STK33: variants seen among roughly 807,000 people sequenced by gnomAD.
STK33 encodes serine/threonine kinase 33, also known as serine/threonine-protein kinase 33.
STK33 carries 52 observed loss-of-function variants against 58.0 expected under a neutral mutation model. The observed-to-expected ratio is 0.90, with a 90% CI of 0.72 to 1.13. STK33 has a LOEUF of 1.13. Among genes scored for constraint, STK33 ranks in the 50% most tolerant of loss-of-function variants. The pLI, the probability that STK33 is intolerant of heterozygous loss-of-function variation, is 0.00. For missense variants in STK33, 630 were observed against 604.2 expected, an observed-to-expected ratio of 1.04 and a Z score of -0.45; for synonymous variants, 215 against 200.1, an observed-to-expected ratio of 1.07 and a Z score of -0.63.
intron 1 of STK33, among the ~76,000 whole-genome samples, chr11:8,560,530 T>C (rs1323359773): frequency 6.6e-6 from 1 of 152,200 alleles, no homozygotes; most frequent in Non-Finnish European, 1.5e-5. Flanking sequence ...ATTCTTATCA[T>C]GGTGATTTTG....
chr11:8,384,357 C>G, the STK33 span, among the ~76,000 whole-genome samples: 1 of 152,142 alleles, frequency 6.6e-6, no homozygotes, highest in African/African-American at 2.4e-5. Flanking sequence ...AATGCCAGTG[C>G]CTGGGAAGGC....
At chr11:8,373,517 C>T in the STK33 span, among the ~76,000 whole-genome samples, 2 of 152,080 alleles carry the variant, frequency 1.3e-5, no homozygotes, top group Non-Finnish European at 2.9e-5. Flanking sequence ...TCAGGCTGGG[C>T]CCAGGCATGG....
At chr11:8,402,518 T>C (rs1938256011) in intron 15 of STK33, among the ~76,000 whole-genome samples, 1 of 152,124 alleles carries the variant, frequency 6.6e-6, no homozygotes, top group South Asian at 2.1e-4. Context: ...TAATGTTAAA[T>C]GATGAGTTAA....
chr11:8,483,262 G>T (rs1194590013), intron 1 of STK33, among the ~76,000 whole-genome samples: 2 of 152,126 alleles, frequency 1.3e-5, no homozygotes, highest in East Asian at 3.9e-4. Flanking sequence ...GCACATGCAA[G>T]GGCCCAGAAC....
At chr11:8,418,709 AAC>A (rs1347194075) in intron 14 of STK33, among the ~76,000 whole-genome samples, 8 of 152,164 alleles carry the variant, frequency 5.3e-5, no homozygotes, top group Admixed American at 2.0e-4. Flanking sequence ...CACTCCACGC[AAC>A]AGTGTGTAAG....
At chr11:8,364,812 C>T in the STK33 span, among the ~76,000 whole-genome samples, 3 of 152,302 alleles carry the variant, frequency 2.0e-5, no homozygotes, top group South Asian at 2.1e-4. Flanking sequence ...AGGGGTTGTA[C>T]CAGTTTTGCT....
the STK33 span, among the ~76,000 whole-genome samples, chr11:8,363,480 C>T: frequency 2.0e-5 from 3 of 152,256 alleles, no homozygotes; most frequent in South Asian, 2.1e-4. Flanking sequence ...CAGGTAACCA[C>T]TCTTCTGGCT....
chr11:8,474,738 T>G lies in STK33; in HGVS notation c.168A>C (p.Ser56=), dbSNP rs1475049850. The change falls in exon 5 of 16, where the codon TCA becomes TCC. Residue 56 remains serine, a synonymous_variant. Transcript: ENST00000687296. ...TATTTTTTTCTTTTTTTCTCTCCAG[T>G]GAAATTAAAGATTCTGCACTACCAA... ...SSIGSAESLI[S]LERKKEKNIN... is the part of the protein sequence containing the mutation. 6.2e-7 allele frequency: 1 copy of G among 1,612,650 alleles called. No homozygotes were observed. The highest frequency in any genetic ancestry group is 2.2e-5 in the East Asian group (1 of 44,854).
intron 1 of STK33, among the ~76,000 whole-genome samples, chr11:8,564,855 C>T (rs888772684): frequency 6.6e-6 from 1 of 152,212 alleles, no homozygotes; most frequent in Non-Finnish European, 1.5e-5. Flanking sequence ...AGAAAGCTGA[C>T]ATTCTGTCCT....
intron 3 of STK33, among the ~76,000 whole-genome samples, 190 bp from the exon 4 acceptor site, chr11:8,476,941 G>A (rs1242941786): frequency 6.6e-6 from 1 of 151,992 alleles, no homozygotes; most frequent in South Asian, 2.1e-4. Context: ...TTTACCCCAG[G>A]TAATGTATAT....
chr11:8,433,640 A>G (rs1943679565), intron 14 of STK33, among the ~76,000 whole-genome samples: 1 of 152,126 alleles, frequency 6.6e-6, no homozygotes, highest in Admixed American at 6.6e-5. Flanking sequence ...AAATAAATCT[A>G]TTTCTCCTAC....
chr11:8,535,028 T>C (rs962990669), intron 1 of STK33, among the ~76,000 whole-genome samples: 1 of 152,140 alleles, frequency 6.6e-6, no homozygotes, highest in Non-Finnish European at 1.5e-5. Context: ...TGGAAAGTCA[T>C]CCCTAAGCCT....
chr11:8,538,387 T>C (rs1402001853), intron 1 of STK33, among the ~76,000 whole-genome samples: 2 of 152,150 alleles, frequency 1.3e-5, no homozygotes, highest in Non-Finnish European at 2.9e-5. Context: ...TAGTAAATGG[T>C]AAAGCTAGAA....
intron 1 of STK33, among the ~76,000 whole-genome samples, chr11:8,577,867 T>C (rs1212651027): frequency 6.6e-6 from 1 of 152,116 alleles, no homozygotes; most frequent in Non-Finnish European, 1.5e-5. Flanking sequence ...AGAGCCATTG[T>C]AAGCATTTTT....
chr11:8,536,337 C>T (rs1954998124), intron 1 of STK33, among the ~76,000 whole-genome samples: 1 of 152,026 alleles, frequency 6.6e-6, no homozygotes, highest in Admixed American at 6.6e-5. Context: ...TTTAAAAGAA[C>T]ATGAATTTCC....
chr11:8,488,943 T>C (rs896148645), intron 1 of STK33, among the ~76,000 whole-genome samples: 2 of 152,122 alleles, frequency 1.3e-5, no homozygotes, highest in East Asian at 3.8e-4. Flanking sequence ...ATGTTCAAAG[T>C]GCTGAAAGAA....
the STK33 span, among the ~76,000 whole-genome samples, chr11:8,359,297 G>A: frequency 1.3e-5 from 2 of 152,204 alleles, no homozygotes; most frequent in Non-Finnish European, 2.9e-5. Flanking sequence ...TTGCTGTGTT[G>A]AAGGAGAAGG....
At chr11:8,378,207 T>G in the STK33 span, among the ~76,000 whole-genome samples, 1 of 152,170 alleles carries the variant, frequency 6.6e-6, no homozygotes, top group African/African-American at 2.4e-5. Context: ...AGGGAGAAGT[T>G]CAGAGCGAAG....
chr11:8,368,508 C>T, the STK33 span, among the ~76,000 whole-genome samples: 4 of 152,324 alleles, frequency 2.6e-5, no homozygotes, highest in East Asian at 1.9e-4. Context: ...CCCGGCCTGT[C>T]GCCTCTCCCC....
Sources: gnomAD v4.1 joint callset for allele counts (sites outside exome capture counted in the v4.1 genomes callset) on GRCh38, gnomAD v4.1.1 for gene constraint, MANE v1.5 for transcripts, NCBI Gene and HGNC (gene_info 2026-07-23, HGNC 2026-07-21) for gene names.